The following CDH4 variants were observed in gnomAD, a reference collection of about 807,000 sequenced individuals.
The protein encoded by CDH4 is cadherin-4.
CDH4 carries 33 observed loss-of-function variants against 86.0 expected under a neutral mutation model. That is an observed-to-expected ratio of 0.38 (90% CI 0.29 to 0.51). The LOEUF is 0.51. Among genes scored for constraint, CDH4 ranks in the 20% least tolerant of loss-of-function variants. The pLI is 0.86. For missense variants in CDH4, 1,114 were observed against 1,307.4 expected (o/e 0.85, Z 2.28); for synonymous variants, 555 against 549.4 (o/e 1.01, Z -0.14).
At chr20:61,758,355 G>A (rs2088590903) in intron 3 of CDH4, among the ~76,000 whole-genome samples, 1 of 152,220 alleles carries the variant, frequency 6.6e-6, no homozygotes, top group Non-Finnish European at 1.5e-5. Context: ...GCTCCACTGT[G>A]GGATGTGTGC....
chr20:61,257,227 CTT>C (rs2084103618), intron 2 of CDH4, among the ~76,000 whole-genome samples: 1 of 152,226 alleles, frequency 6.6e-6, no homozygotes, highest in Non-Finnish European at 1.5e-5. Context: ...GGCTCCTTCT[CTT>C]TGCCTGAGTC....
At position 61,325,232 on chromosome 20, in the gene CDH4, A is replaced by G. The variant is rs577523554; in HGVS notation, c.169+70295A>G. Among the ~76,000 whole-genome samples, 3 of 152,074 alleles carry G rather than the reference A, an allele frequency of 2.0e-5. No homozygotes were observed. The East Asian group carries it at 5.8e-4, about 29-fold the overall frequency. ...AGTAAGTGGTCACTGGAAAAAAAAA[A>G]AAAAGTCTTGGCTTTTAAAGTCTTT... On this transcript the variant is annotated intron_variant, in intron 2 of 15. Coordinates refer to ENST00000614565, the MANE Select transcript of CDH4 (RefSeq NM_001794.5).
intron 2 of CDH4, among the ~76,000 whole-genome samples, chr20:61,566,937 A>ACGG (rs1387947485): frequency 6.6e-6 from 1 of 152,148 alleles, no homozygotes; most frequent in East Asian, 1.9e-4. Context: ...TCTTCAGCAC[A>ACGG]CGGCTGTTGC....
At chr20:61,439,775 G>T (rs1490340462) in intron 2 of CDH4, among the ~76,000 whole-genome samples, 1 of 152,262 alleles carries the variant, frequency 6.6e-6, no homozygotes, top group South Asian at 2.1e-4. Flanking sequence ...AGAGGGGTAG[G>T]ATTCGAGGCG....
At chr20:61,723,307 G>A (rs6089267) in intron 2 of CDH4, among the ~76,000 whole-genome samples, 50,350 of 152,046 alleles carry the variant, frequency 0.33, 9,468 homozygotes, top group South Asian at 0.43. Flanking sequence ...CACCTCCTCC[G>A]GACCCCCGTC....
chr20:61,291,028 C>T (rs1319892178), intron 2 of CDH4, among the ~76,000 whole-genome samples: 1 of 152,078 alleles, frequency 6.6e-6, no homozygotes, highest in Non-Finnish European at 1.5e-5. Flanking sequence ...CTAGATCTTC[C>T]CTCGTGGGGC....
At chr20:61,270,112 GAATA>G (rs2084176310) in intron 2 of CDH4, among the ~76,000 whole-genome samples, 2 of 152,330 alleles carry the variant, frequency 1.3e-5, no homozygotes, top group South Asian at 2.1e-4. Context: ...TTTAAAAATT[GAATA>G]AATAAATTAT....
At position 61,708,081 on chromosome 20, in the gene CDH4, T is replaced by A. The variant is rs903224711; in HGVS notation, c.170-35482T>A. Among the ~76,000 whole-genome samples the A allele has an allele frequency of 1.3e-5, 2 of 152,190 alleles. No individual in the cohort carries two copies. The highest frequency in any genetic ancestry group is 3.4e-3 in the Middle Eastern group (1 of 294). The stretch of plus-strand genomic sequence containing the variant: ...TGTGCCCTGGACCCAGGACCTGGGC[T>A]CTGCTGGGGGTCCCGGGCTGTGGCG... On this transcript the variant is annotated intron_variant, in intron 2 of 15. Transcript: ENST00000614565. This position sits in a 1 kb window ranked among gnomAD's most constrained non-coding sequence, Gnocchi z 4.5.
intron 2 of CDH4, among the ~76,000 whole-genome samples, chr20:61,635,931 G>T (rs567875390): frequency 6.6e-6 from 1 of 152,302 alleles, no homozygotes; most frequent in East Asian, 1.9e-4. Context: ...GGGGCTTCCC[G>T]CAGTCTTCCA....
rs200150868 is a variant in CDH4 at position 61,817,496 on chromosome 20, CT to C, written c.577-27162del. ...ACAAGACGCGGAAAGCAACTTCTCGCTTTTTTTTTTATTTTTATTTTTTTAA... is the reference window on the plus strand; with the variant it reads ...ACAAGACGCGGAAAGCAACTTCTCGCTTTTTTTTTATTTTTATTTTTTTAA... On this transcript the variant is annotated intron_variant, in intron 4 of 15. Coordinates refer to ENST00000614565, the MANE Select transcript of CDH4 (RefSeq NM_001794.5). Among the ~76,000 whole-genome samples the C allele has an allele frequency of 5.3e-4, 80 of 150,244 alleles. No homozygotes were observed. The East Asian group carries it at 5.5e-3, about 10-fold the overall frequency.
intron 2 of CDH4, among the ~76,000 whole-genome samples, chr20:61,697,666 C>G (rs2087729404): frequency 6.6e-6 from 1 of 152,124 alleles, no homozygotes. Flanking sequence ...TGTTCCAGAA[C>G]CCAGCAGGGT....
At chr20:61,320,630 G>A (rs2084502803) in intron 2 of CDH4, among the ~76,000 whole-genome samples, 1 of 152,070 alleles carries the variant, frequency 6.6e-6, no homozygotes, top group Non-Finnish European at 1.5e-5. Flanking sequence ...GGAGGTGGGA[G>A]CAGGGGTGCT....
intron 2 of CDH4, among the ~76,000 whole-genome samples, chr20:61,632,694 C>G (rs1427340442): frequency 6.6e-6 from 1 of 151,544 alleles, no homozygotes; most frequent in African/African-American, 2.4e-5. Context: ...CTCACTTCCC[C>G]CATGTACCTG....
intron 4 of CDH4, among the ~76,000 whole-genome samples, chr20:61,776,922 G>A (rs2088849368): frequency 6.6e-6 from 1 of 152,210 alleles, no homozygotes; most frequent in African/African-American, 2.4e-5. Context: ...TATGGTTGGT[G>A]AACAGCTGGT....
intron 2 of CDH4, among the ~76,000 whole-genome samples, chr20:61,405,725 A>T (rs1220338231): frequency 6.7e-6 from 1 of 149,408 alleles, no homozygotes; most frequent in Admixed American, 6.6e-5. Context: ...ACAGAGTCTC[A>T]CTCTGTCACC....
rs932780104 is a variant in CDH4 at position 61,480,617 on chromosome 20, G to T, written c.169+225680G>T. Among the ~76,000 whole-genome samples, 3 of 152,240 alleles carry T rather than the reference G, an allele frequency of 2.0e-5. No homozygotes were observed. Among genetic ancestry groups the T allele is most frequent in the African/African-American group, 7.2e-5 (3 of 41,458 alleles). Reference sequence around the variant, plus strand: ...CTAGGCTGACACAGGGGAAGGAGGTGTGGAGGTGTGGGGAGGGCGGGGCTG... The same window carrying T: ...CTAGGCTGACACAGGGGAAGGAGGTTTGGAGGTGTGGGGAGGGCGGGGCTG... On this transcript the variant is annotated intron_variant, in intron 2 of 15. Transcript: ENST00000614565. This position sits in a 1 kb window ranked among gnomAD's most constrained non-coding sequence, Gnocchi z 5.2.
chr20:61,526,991 T>C (rs997149508), intron 2 of CDH4, among the ~76,000 whole-genome samples: 2 of 152,236 alleles, frequency 1.3e-5, no homozygotes, highest in African/African-American at 2.4e-5. Flanking sequence ...GCAGTGACAG[T>C]GTGTGGGAGC....
At chr20:61,761,889 G>A (rs530784787) in intron 3 of CDH4, among the ~76,000 whole-genome samples, 10 of 152,348 alleles carry the variant, frequency 6.6e-5, no homozygotes, top group South Asian at 4.1e-4. Flanking sequence ...ATCCTCATAA[G>A]CCATGCCGAC....
At chr20:61,856,619 C>T (rs1600715395) in intron 6 of CDH4, among the ~76,000 whole-genome samples, 2 of 116,146 alleles carry the variant, frequency 1.7e-5, no homozygotes, top group African/African-American at 5.6e-5. Context: ...CCTGTGTGTA[C>T]CCCCACATTC....
Sources: allele counts gnomAD v4.1 joint callset (sites outside exome capture counted in the v4.1 genomes callset), GRCh38; gene constraint gnomAD v4.1.1; non-coding constraint Gnocchi (gnomAD v3.1); transcripts MANE v1.5; gene names NCBI Gene and HGNC (gene_info 2026-07-23, HGNC 2026-07-21).